Variants in KHDRBS2 observed in about 807,000 individuals in gnomAD.
KHDRBS2 encodes KH domain-containing, RNA-binding, signal transduction-associated protein 2.
A neutral mutation model predicts 44.3 loss-of-function variants in KHDRBS2; 26 were observed. That is an observed-to-expected ratio of 0.59 (90% CI 0.43 to 0.81). The LOEUF is 0.81. KHDRBS2 is among the 40% of genes least tolerant of loss of function. The probability of loss-of-function intolerance (pLI) is 0.00; values close to 1 mark genes in which losing one functional copy is unlikely to be tolerated. For missense variants in KHDRBS2, 476 were observed against 433.1 expected, an observed-to-expected ratio of 1.10 and a Z score of -0.88; for synonymous variants, 194 against 151.1, an observed-to-expected ratio of 1.28 and a Z score of -2.08.
At chr6:61,816,406 G>A (rs1788940942) in intron 6 of KHDRBS2, among the ~76,000 whole-genome samples, 1 of 152,018 alleles carries the variant, frequency 6.6e-6, no homozygotes, top group South Asian at 2.1e-4. Context: ...CATACAGCGA[G>A]AATACATGTG....
At chr6:62,125,290 A>G (rs1241806119) in intron 2 of KHDRBS2, among the ~76,000 whole-genome samples, 1 of 152,164 alleles carries the variant, frequency 6.6e-6, no homozygotes, top group Non-Finnish European at 1.5e-5. Context: ...TGGCTTCCAT[A>G]GTGGGAGGAT....
At chr6:61,818,968 A>G (rs1789444957) in intron 6 of KHDRBS2, among the ~76,000 whole-genome samples, 1 of 152,162 alleles carries the variant, frequency 6.6e-6, no homozygotes, top group South Asian at 2.1e-4. Flanking sequence ...TTTGGAGCCC[A>G]AAAGGTTCGG....
chr6:62,202,554 A>G (rs1827210976), intron 1 of KHDRBS2, among the ~76,000 whole-genome samples: 1 of 152,102 alleles, frequency 6.6e-6, no homozygotes, highest in Non-Finnish European at 1.5e-5. Context: ...CACATCAGTG[A>G]ATAAAATAGA....
chr6:62,059,450 G>T (rs1584420795), intron 2 of KHDRBS2, among the ~76,000 whole-genome samples: 2 of 151,426 alleles, frequency 1.3e-5, no homozygotes, highest in East Asian at 3.9e-4. Flanking sequence ...AGAAAGAAAA[G>T]GAGATGAGAC....
chr6:61,947,284 T>C (rs1043406307), intron 4 of KHDRBS2, among the ~76,000 whole-genome samples: 1 of 152,052 alleles, frequency 6.6e-6, no homozygotes, highest in African/African-American at 2.4e-5. Flanking sequence ...AGTCTCTAAA[T>C]AATAATTTGG....
intron 1 of KHDRBS2, among the ~76,000 whole-genome samples, chr6:62,198,808 C>A (rs951613389): frequency 3.3e-5 from 5 of 152,110 alleles, no homozygotes. Context: ...AGACCAATAT[C>A]CCTGATGAAC....
chr6:61,971,640 T>C (rs1310388157), intron 4 of KHDRBS2, among the ~76,000 whole-genome samples: 1 of 152,064 alleles, frequency 6.6e-6, no homozygotes. Flanking sequence ...CTCTCTCTCT[T>C]CCTCTCCCCC....
At chr6:61,633,223 G>A in the KHDRBS2 span, among the ~76,000 whole-genome samples, 1 of 151,984 alleles carries the variant, frequency 6.6e-6, no homozygotes, top group Non-Finnish European at 1.5e-5. Flanking sequence ...TAGAGAAACA[G>A]GGGGGGAAAA....
intron 7 of KHDRBS2, among the ~76,000 whole-genome samples, chr6:61,707,823 A>G (rs1456218332): frequency 2.0e-5 from 3 of 151,734 alleles, no homozygotes; most frequent in Non-Finnish European, 4.4e-5. Flanking sequence ...ACAAACAAGT[A>G]TGATACATCC....
chr6:61,963,732 G>A (rs1050331440), intron 4 of KHDRBS2, among the ~76,000 whole-genome samples: 8 of 152,174 alleles, frequency 5.3e-5, no homozygotes, highest in African/African-American at 1.9e-4. Context: ...ATAGCCGGCA[G>A]GATTTTACAA....
intron 4 of KHDRBS2, among the ~76,000 whole-genome samples, chr6:61,909,093 GTC>G (rs903646887): frequency 6.6e-6 from 1 of 151,110 alleles, no homozygotes; most frequent in Non-Finnish European, 1.5e-5. Flanking sequence ...TTGAGATGGG[GTC>G]TCTCTCTGTT....
intron 1 of KHDRBS2, among the ~76,000 whole-genome samples, chr6:62,198,789 G>A (rs1363900140): frequency 2.0e-5 from 3 of 152,194 alleles, no homozygotes; most frequent in South Asian, 4.1e-4. Context: ...ACAGAAAAAA[G>A]AGAATTTTAG....
chr6:61,748,440 A>T (rs1453877765), intron 6 of KHDRBS2, among the ~76,000 whole-genome samples: 1 of 152,208 alleles, frequency 6.6e-6, no homozygotes, highest in African/African-American at 2.4e-5. Flanking sequence ...GAAGCCCACC[A>T]TGTGAGCAGG....
intron 1 of KHDRBS2, among the ~76,000 whole-genome samples, chr6:62,217,118 A>T (rs1354071972): frequency 6.6e-6 from 1 of 151,624 alleles, no homozygotes; most frequent in Admixed American, 6.6e-5. Flanking sequence ...ATTTATTTCA[A>T]ACACTAAATC....
intron 6 of KHDRBS2, among the ~76,000 whole-genome samples, chr6:61,740,453 A>G (rs6454707): frequency 0.35 from 53,697 of 151,642 alleles, 10,371 homozygotes; most frequent in East Asian, 0.48. Flanking sequence ...CAAAGAAGCC[A>G]TTGAAGGGTT....
At chr6:61,782,381 C>G (rs923978852) in intron 6 of KHDRBS2, among the ~76,000 whole-genome samples, 5 of 151,876 alleles carry the variant, frequency 3.3e-5, no homozygotes, top group Admixed American at 6.6e-5. Flanking sequence ...TATGAAATAC[C>G]ATTTTTGAAG....
the KHDRBS2 span, among the ~76,000 whole-genome samples, chr6:61,584,552 C>T: frequency 7.2e-4 from 109 of 151,804 alleles, no homozygotes; most frequent in African/African-American, 2.3e-3. Flanking sequence ...TTTAGTAAAA[C>T]GTTTATCATT....
intron 6 of KHDRBS2, among the ~76,000 whole-genome samples, chr6:61,804,127 A>T (rs1225852256): frequency 1.3e-5 from 2 of 152,128 alleles, no homozygotes; most frequent in Non-Finnish European, 2.9e-5. Context: ...CCTGCCACCT[A>T]CGAGTCTACA....
the KHDRBS2 span, among the ~76,000 whole-genome samples, chr6:61,636,245 T>C: frequency 6.6e-6 from 1 of 152,058 alleles, no homozygotes; most frequent in Non-Finnish European, 1.5e-5. Flanking sequence ...CCTCTTTACT[T>C]TACTTTCAAG....
Sources: allele counts gnomAD v4.1 joint callset (sites outside exome capture counted in the v4.1 genomes callset), GRCh38; gene constraint gnomAD v4.1.1; transcripts MANE v1.5; gene names NCBI Gene and HGNC (gene_info 2026-07-23, HGNC 2026-07-21).